CDH13: variants seen among roughly 807,000 people sequenced by gnomAD.
The protein encoded by CDH13 is cadherin 13.
A neutral mutation model predicts 63.8 loss-of-function variants in CDH13; 24 were observed. That is an observed-to-expected ratio of 0.38 (90% CI 0.27 to 0.53). The LOEUF (loss-of-function observed/expected upper bound fraction) is 0.53, where lower values mean the gene tolerates loss of function less well. CDH13 is among the 20% of genes least tolerant of loss of function. The pLI is 0.85. For synonymous variants in CDH13, 503 were observed against 355.3 expected (o/e 1.42, Z -4.67); for missense variants, 1,049 against 903.1 (o/e 1.16, Z -2.07).
At chr16:82,858,247 T>C (rs1215484642) in intron 1 of CDH13, 115 bp from the exon 2 acceptor site, 2 of 655,538 alleles carry the variant, frequency 3.1e-6, no homozygotes, top group Non-Finnish European at 5.4e-6. Context: ...TACCTCTTCA[T>C]TTGGGAAATG....
chr16:83,456,447 C>G (rs2073027708), intron 6 of CDH13, among the ~76,000 whole-genome samples: 1 of 152,108 alleles, frequency 6.6e-6, no homozygotes, highest in African/African-American at 2.4e-5. Flanking sequence ...TGCAGTACAA[C>G]GTGAAAGACG....
intron 5 of CDH13, among the ~76,000 whole-genome samples, chr16:83,299,886 C>G (rs979949748): frequency 1.3e-5 from 2 of 152,180 alleles, no homozygotes; most frequent in African/African-American, 4.8e-5. Context: ...TGCTGGAGGC[C>G]TCAGGCTGTA....
intron 3 of CDH13, among the ~76,000 whole-genome samples, chr16:83,078,313 T>C (rs951793761): frequency 2.0e-5 from 3 of 152,196 alleles, no homozygotes; most frequent in African/African-American, 7.2e-5. Flanking sequence ...ACTGGTTTCA[T>C]GGAAGGCAAT....
intron 10 of CDH13, among the ~76,000 whole-genome samples, chr16:83,742,705 C>G (rs910159628): frequency 2.6e-5 from 4 of 152,216 alleles, no homozygotes; most frequent in Admixed American, 6.5e-5. Flanking sequence ...GAGCTGTTCT[C>G]CCTCCACATC....
chr16:82,747,427 T>A (rs1344900750), intron 1 of CDH13, among the ~76,000 whole-genome samples: 2 of 150,696 alleles, frequency 1.3e-5, no homozygotes, highest in Non-Finnish European at 3.0e-5. Context: ...AAATGAAAGG[T>A]CTGGATTATT....
chr16:82,926,416 G>T (rs936088188), intron 2 of CDH13, among the ~76,000 whole-genome samples: 9 of 152,186 alleles, frequency 5.9e-5, no homozygotes, highest in African/African-American at 2.2e-4. Flanking sequence ...TCCTGAGTTG[G>T]AACACTGATT....
chr16:83,153,821 G>A (rs1054572636), intron 4 of CDH13, among the ~76,000 whole-genome samples: 3 of 152,108 alleles, frequency 2.0e-5, no homozygotes, highest in Admixed American at 6.5e-5. Flanking sequence ...GTGGCATTTC[G>A]GTTTTTTGTG....
intron 2 of CDH13, among the ~76,000 whole-genome samples, chr16:82,861,591 A>G (rs573612558): frequency 1.3e-5 from 2 of 152,174 alleles, no homozygotes; most frequent in East Asian, 1.9e-4. Flanking sequence ...TCAATTTTCA[A>G]TGACTTATCT....
At chr16:83,598,392 A>G (rs944918847) in intron 7 of CDH13, among the ~76,000 whole-genome samples, 7 of 152,196 alleles carry the variant, frequency 4.6e-5, no homozygotes, top group African/African-American at 1.7e-4. Flanking sequence ...TTAAATAGAT[A>G]ATTACAGTAA....
chr16:83,027,448 C>G (rs1192551934), intron 2 of CDH13, among the ~76,000 whole-genome samples: 2 of 152,110 alleles, frequency 1.3e-5, no homozygotes, highest in African/African-American at 4.8e-5. Context: ...GAAATGCCTT[C>G]TGCAGAGAGG....
At chr16:82,705,450 A>T (rs2031413343) in intron 1 of CDH13, among the ~76,000 whole-genome samples, 1 of 152,234 alleles carries the variant, frequency 6.6e-6, no homozygotes, top group Non-Finnish European at 1.5e-5. Context: ...CCTAGAAATT[A>T]GCTCGGCTTC....
At chr16:82,874,693 G>A (rs1474963000) in intron 2 of CDH13, among the ~76,000 whole-genome samples, 4 of 152,160 alleles carry the variant, frequency 2.6e-5, no homozygotes, top group Non-Finnish European at 5.9e-5. Context: ...AATAAGCAGT[G>A]CTTGAAAAAC....
chr16:83,500,215 C>T (rs964953945), intron 7 of CDH13, among the ~76,000 whole-genome samples: 1 of 149,618 alleles, frequency 6.7e-6, no homozygotes, highest in Admixed American at 6.7e-5. Flanking sequence ...TGAATTCAGA[C>T]ACTAGTTTCT....
chr16:83,220,655 G>A (rs374408224), intron 5 of CDH13, among the ~76,000 whole-genome samples: 12 of 137,886 alleles, frequency 8.7e-5, no homozygotes, highest in Middle Eastern at 3.8e-3. Context: ...AACAGAGCAA[G>A]AAAAAAAAAG....
At chr16:82,947,645 TATAAA>T (rs1904877751) in intron 2 of CDH13, among the ~76,000 whole-genome samples, 1 of 152,204 alleles carries the variant, frequency 6.6e-6, no homozygotes, top group Non-Finnish European at 1.5e-5. Context: ...TTTTCTTTGA[TATAAA>T]ATATCAAAAG....
chr16:82,896,687 A>G (rs1185257092), intron 2 of CDH13, among the ~76,000 whole-genome samples: 2 of 150,890 alleles, frequency 1.3e-5, no homozygotes, highest in Non-Finnish European at 3.0e-5. Context: ...GAGCTGTCAG[A>G]CCAGATGCAG....
chr16:83,724,271 G>T (rs927883782), intron 10 of CDH13, among the ~76,000 whole-genome samples: 1 of 149,386 alleles, frequency 6.7e-6, no homozygotes, highest in Non-Finnish European at 1.5e-5. Context: ...GCATGGGTGG[G>T]TGATTAATGC....
intron 5 of CDH13, among the ~76,000 whole-genome samples, chr16:83,287,154 A>G (rs1270845578): frequency 6.6e-6 from 1 of 152,218 alleles, no homozygotes; most frequent in Admixed American, 6.5e-5. Context: ...AATGTTCAGG[A>G]AGTCCAACGT....
In CDH13 at chr16:82,918,500, C is replaced by G. The variant is rs1424347770; in HGVS notation, c.157+60027C>G. Among the ~76,000 whole-genome samples the G allele has an allele frequency of 6.3e-5, 9 of 142,940 alleles. No homozygotes were observed. In the Admixed American group the frequency reaches 6.4e-4, roughly 10 times the overall value. 93.8% of individuals were successfully genotyped at this position (142,940 alleles called of 152,430 possible). On this transcript the variant is annotated intron_variant, in intron 2 of 13. Transcript: ENST00000567109. ...CTCTCTGGGTCAAAAGGTATGTACA[C>G]TTTCACTTTTTTTTTTTTTTTTTTT...
Sources: allele counts gnomAD v4.1 joint callset (sites outside exome capture counted in the v4.1 genomes callset), GRCh38; gene constraint gnomAD v4.1.1; transcripts MANE v1.5; gene names NCBI Gene and HGNC (gene_info 2026-07-23, HGNC 2026-07-21).